PRTG: variants seen among roughly 807,000 people sequenced by gnomAD.
The protein encoded by PRTG is immunoglobulin superfamily, DCC subclass, member 5.
Under a neutral mutation model 122.5 loss-of-function variants are expected in PRTG, and 67 were observed. That is an observed-to-expected ratio of 0.55 (90% CI 0.45 to 0.67). The LOEUF is 0.67. PRTG is among the 30% of genes least tolerant of loss of function. The probability of loss-of-function intolerance (pLI) is 0.00; values close to 1 mark genes in which losing one functional copy is unlikely to be tolerated. For synonymous variants in PRTG, 554 were observed against 501.1 expected, an observed-to-expected ratio of 1.11 and a Z score of -1.41; for missense variants, 1,435 against 1,415.4, an observed-to-expected ratio of 1.01 and a Z score of -0.22.
intron 2 of PRTG, among the ~76,000 whole-genome samples, chr15:55,707,011 G>A (rs1171728276): frequency 6.6e-6 from 1 of 152,190 alleles, no homozygotes; most frequent in African/African-American, 2.4e-5. Context: ...CAGGTGACTT[G>A]CATGGACTTT....
At position 55,646,362 on chromosome 15, in the gene PRTG, G is replaced by A. The variant is rs1032452820; in HGVS notation, c.2042-5154C>T. ...TTTTAGGACGGAGTCTTGCTCTGTC[G>A]CCCAGGATGGAGTGCAGTGGCACGA... On this transcript the variant is annotated intron_variant, in intron 11 of 19. Coordinates refer to ENST00000389286, the MANE Select transcript of PRTG (RefSeq NM_173814.6). Among the ~76,000 whole-genome samples the A allele has an allele frequency of 2.1e-5, 3 of 146,302 alleles. No homozygotes were observed. The Admixed American group carries it at 2.1e-4, about 10-fold the overall frequency.
chr15:55,692,835 CTTTTTTT>C (rs774248341), intron 2 of PRTG, among the ~76,000 whole-genome samples: 2 of 74,952 alleles, frequency 2.7e-5, no homozygotes, highest in East Asian at 4.9e-4. Context: ...AATGCAATCT[CTTTTTTT>C]TTTTTTTTTT....
chr15:55,623,062 C>G (rs74426442), intron 18 of PRTG, among the ~76,000 whole-genome samples: 1 of 152,104 alleles, frequency 6.6e-6, no homozygotes, highest in East Asian at 1.9e-4. Context: ...GAATATAATT[C>G]ATAAAATTTA....
At chr15:55,634,446 ATACT>A (rs1316374248) in intron 15 of PRTG, among the ~76,000 whole-genome samples, 2 of 152,330 alleles carry the variant, frequency 1.3e-5, no homozygotes, top group African/African-American at 4.8e-5. Context: ...TTCTTTATTA[ATACT>A]TACAACACCT....
chr15:55,633,516 T>C (rs1266462695), intron 15 of PRTG, among the ~76,000 whole-genome samples: 1 of 152,208 alleles, frequency 6.6e-6, no homozygotes, highest in Non-Finnish European at 1.5e-5. Flanking sequence ...TCACAAAAAC[T>C]ACCTTGTTCC....
chr15:55,728,407 C>A (rs1191983986), intron 2 of PRTG, among the ~76,000 whole-genome samples: 1 of 152,086 alleles, frequency 6.6e-6, no homozygotes, highest in African/African-American at 2.4e-5. Flanking sequence ...AAGAATTATA[C>A]TGACCAAGTA....
At chr15:55,738,919 G>C (rs1240239433) in intron 2 of PRTG, among the ~76,000 whole-genome samples, 2 of 138,132 alleles carry the variant, frequency 1.4e-5, no homozygotes, top group African/African-American at 5.3e-5. Flanking sequence ...AAGGGGGAGG[G>C]AGAAAGGAAG....
intron 2 of PRTG, among the ~76,000 whole-genome samples, chr15:55,734,587 T>A (rs1466277586): frequency 8.0e-5 from 12 of 150,820 alleles, no homozygotes; most frequent in African/African-American, 2.4e-4. Flanking sequence ...TAAAGCTATT[T>A]TATATATATA....
intron 11 of PRTG, among the ~76,000 whole-genome samples, chr15:55,643,876 T>A (rs1331402022): frequency 2.6e-5 from 4 of 151,932 alleles, no homozygotes; most frequent in Non-Finnish European, 5.9e-5. Flanking sequence ...TTTTTTTTTC[T>A]TTTTGGACAC....
intron 2 of PRTG, among the ~76,000 whole-genome samples, chr15:55,729,500 C>T (rs1031829170): frequency 6.6e-6 from 1 of 151,948 alleles, no homozygotes; most frequent in Non-Finnish European, 1.5e-5. Context: ...GGTGCACTGG[C>T]ACACACCTAT....
Position 55,690,377 on chromosome 15 carries a change from G to T in PRTG, c.398-6446C>A, listed in dbSNP as rs1355496012. On this transcript the variant is annotated intron_variant, in intron 2 of 19. Transcript: ENST00000389286. The stretch of plus-strand genomic sequence containing the variant: ...AACTAACAGAGGTTTTATTCTCAGG[G>T]ATCTTTGTTAATGGTGGAGAAAAGC... Among the ~76,000 whole-genome samples the T allele has an allele frequency of 2.6e-5, 4 of 152,290 alleles. No individual in the cohort carries two copies. In the East Asian group the frequency reaches 7.7e-4, roughly 29 times the overall value.
chr15:55,623,507 A>G (rs1356330575), intron 18 of PRTG, among the ~76,000 whole-genome samples: 9 of 152,056 alleles, frequency 5.9e-5, no homozygotes, highest in Non-Finnish European at 1.2e-4. Flanking sequence ...TGGAGGTCAC[A>G]GTGAGCCGAG....
intron 2 of PRTG, among the ~76,000 whole-genome samples, chr15:55,687,079 C>T (rs146027372): frequency 2.0e-5 from 3 of 152,278 alleles, no homozygotes; most frequent in East Asian, 3.9e-4. Context: ...AGACAGTAAA[C>T]GGTGCAGATT....
At chr15:55,736,753 C>G (rs574180186) in intron 2 of PRTG, among the ~76,000 whole-genome samples, 1 of 152,158 alleles carries the variant, frequency 6.6e-6, no homozygotes, top group Non-Finnish European at 1.5e-5. Flanking sequence ...TATTTTTTAC[C>G]CAAGTGAACA....
chr15:55,623,324 T>C (rs934433082), intron 18 of PRTG, among the ~76,000 whole-genome samples: 22 of 152,116 alleles, frequency 1.4e-4, no homozygotes, highest in Non-Finnish European at 2.4e-4. Context: ...TCCCAGCACT[T>C]TGGGAGGCCA....
In PRTG at chr15:55,683,776, T is replaced by C; in HGVS notation, c.542+11A>G. ...CCCATATCATCTCCAAAGACAAAAA[T>C]CTACATCTACCTGTCCATAGTCATA... On this transcript the variant is annotated intron_variant, in intron 3 of 19. Transcript: ENST00000389286. The C allele has an allele frequency of 6.2e-7, 1 of 1,603,440 alleles. No individual in the cohort carries two copies. Among genetic ancestry groups the C allele is most frequent in the Middle Eastern group, 1.7e-4 (1 of 6,004 alleles).
At chr15:55,634,063 CTTTT>C (rs10711487) in intron 15 of PRTG, among the ~76,000 whole-genome samples, 1 of 73,850 alleles carries the variant, frequency 1.4e-5, no homozygotes. Context: ...ATATACATTG[CTTTT>C]TTTTTTTTTT....
intron 10 of PRTG, 22 bp from the exon 11 acceptor site, chr15:55,672,655 TGTATGTA>T: frequency 6.3e-7 from 1 of 1,586,808 alleles, no homozygotes; most frequent in South Asian, 1.1e-5. Flanking sequence ...CATCAGAAAA[TGTATGTA>T]TAAACAACCC....
At chr15:55,646,670 A>G (rs192024692) in intron 11 of PRTG, among the ~76,000 whole-genome samples, 1 of 152,286 alleles carries the variant, frequency 6.6e-6, no homozygotes, top group Admixed American at 6.5e-5. Flanking sequence ...CAAATGGGTA[A>G]TATTTGAATT....
Sources: allele counts gnomAD v4.1 joint callset (sites outside exome capture counted in the v4.1 genomes callset), GRCh38; gene constraint gnomAD v4.1.1; transcripts MANE v1.5; gene names NCBI Gene and HGNC (gene_info 2026-07-23, HGNC 2026-07-21).